SLC13A3: variants seen among roughly 807,000 people sequenced by gnomAD.
The protein encoded by SLC13A3 is Na(+)/dicarboxylate cotransporter 3.
A neutral mutation model predicts 59.0 loss-of-function variants in SLC13A3; 40 were observed. The observed-to-expected ratio is 0.68, with a 90% CI of 0.53 to 0.88. SLC13A3 has a LOEUF of 0.88. Ranked by LOEUF, SLC13A3 falls within the 40% of genes least tolerant of loss-of-function variation. SLC13A3 has a pLI of 0.00. For synonymous variants in SLC13A3, 317 were observed against 330.3 expected, an observed-to-expected ratio of 0.96 and a Z score of 0.44; for missense variants, 699 against 783.2, an observed-to-expected ratio of 0.89 and a Z score of 1.28.
intron 9 of SLC13A3, among the ~76,000 whole-genome samples, chr20:46,579,964 A>G (rs895400512): frequency 2.7e-5 from 4 of 150,380 alleles, no homozygotes; most frequent in Non-Finnish European, 5.9e-5. Context: ...TGAGGCACTC[A>G]TCACTACTTT....
intron 4 of SLC13A3, among the ~76,000 whole-genome samples, chr20:46,598,430 T>G (rs918418966): frequency 6.6e-6 from 1 of 152,290 alleles, no homozygotes; most frequent in African/African-American, 2.4e-5. Flanking sequence ...AACACTTTTT[T>G]GTTCAGGTGA....
intron 1 of SLC13A3, among the ~76,000 whole-genome samples, chr20:46,658,782 G>C (rs1469069378): frequency 1.3e-5 from 2 of 152,148 alleles, no homozygotes; most frequent in African/African-American, 4.8e-5. Flanking sequence ...TTATGGATTT[G>C]TCTATTTCTC....
intron 1 of SLC13A3, among the ~76,000 whole-genome samples, 165 bp downstream of exon 1, chr20:46,651,146 T>G (rs1460182562): frequency 6.6e-6 from 1 of 151,912 alleles, no homozygotes; most frequent in Non-Finnish European, 1.5e-5. Context: ...GAAGAGGCGT[T>G]AGGAGCGTTC....
intron 1 of SLC13A3, among the ~76,000 whole-genome samples, chr20:46,663,532 A>C (rs1373372385): frequency 6.6e-6 from 1 of 152,046 alleles, no homozygotes; most frequent in Non-Finnish European, 1.5e-5. Context: ...TTTGTGATCT[A>C]TGTCAAATGC....
intron 1 of SLC13A3, among the ~76,000 whole-genome samples, chr20:46,659,723 CAA>C (rs1555884129): frequency 5.0e-5 from 6 of 120,988 alleles, no homozygotes; most frequent in African/African-American, 9.3e-5. Context: ...CCCCCCCCCC[CAA>C]AAAAAAAAAG....
At chr20:46,655,731 A>AAT (rs1028291525), upstream of SLC13A3, among the ~76,000 whole-genome samples, 9 of 145,890 alleles carry the variant, frequency 6.2e-5, no homozygotes, top group South Asian at 2.1e-4. Flanking sequence ...AAAAGAAAAT[A>AAT]ATATATATAT....
At chr20:46,562,987 A>G (rs766482550) in intron 12 of SLC13A3, among the ~76,000 whole-genome samples, 13 of 152,208 alleles carry the variant, frequency 8.5e-5, no homozygotes, top group Non-Finnish European at 1.8e-4. Context: ...CGGGGGAGGG[A>G]ACATATTGCC....
chr20:46,622,829 C>A (rs967702030), intron 1 of SLC13A3, among the ~76,000 whole-genome samples: 3 of 152,136 alleles, frequency 2.0e-5, no homozygotes, highest in Admixed American at 1.3e-4. Context: ...ATAGTTTGAA[C>A]AACTTTTTAC....
upstream of SLC13A3, among the ~76,000 whole-genome samples, chr20:46,671,548 T>G (rs141380254): frequency 1.1e-4 from 17 of 152,058 alleles, no homozygotes; most frequent in African/African-American, 3.6e-4. Context: ...ACAGAGTTCA[T>G]ATGTAGAACC....
Position 46,610,585 on chromosome 20 carries a change from G to C in SLC13A3, c.402C>G (p.Thr134=). 1 of 1,613,732 alleles carries C rather than the reference G, an allele frequency of 6.2e-7. No individual in the cohort carries two copies. Among genetic ancestry groups the C allele is most frequent in the Non-Finnish European group, 8.5e-7 (1 of 1,179,860 alleles). Residue 134 remains threonine (T), a synonymous_variant, in exon 3 of 13, where the codon ACC becomes ACG. Coordinates refer to ENST00000279027, the MANE Select transcript of SLC13A3 (RefSeq NM_022829.6). ...PARLILGMMV[T]TSFLSMWLSN... Reference sequence around the variant, plus strand: ...TCAGCCACATGGACAAGAACGAGGTGGTCACCATCATCCCCAGGATGAGCC... The same window carrying C: ...TCAGCCACATGGACAAGAACGAGGTCGTCACCATCATCCCCAGGATGAGCC...
At chr20:46,635,295 C>T (rs1012385702) in intron 1 of SLC13A3, among the ~76,000 whole-genome samples, 3 of 152,112 alleles carry the variant, frequency 2.0e-5, no homozygotes, top group Admixed American at 6.6e-5. Flanking sequence ...GAAGCACACA[C>T]GGCAGGCCCA....
At chr20:46,642,734 G>A (rs6017950) in intron 1 of SLC13A3, among the ~76,000 whole-genome samples, 10,441 of 152,250 alleles carry the variant, frequency 0.069, 817 homozygotes, top group East Asian at 0.2. Flanking sequence ...TTTACGGTGA[G>A]TCACAGCCTG....
intron 1 of SLC13A3, among the ~76,000 whole-genome samples, chr20:46,627,287 T>A (rs2062683532): frequency 6.6e-6 from 1 of 152,204 alleles, no homozygotes; most frequent in South Asian, 2.1e-4. Flanking sequence ...TTTTCTCAAG[T>A]CTGATTTGCA....
intron 2 of SLC13A3, among the ~76,000 whole-genome samples, chr20:46,611,631 A>C (rs1030966114): frequency 1.3e-5 from 2 of 152,028 alleles, no homozygotes; most frequent in Non-Finnish European, 2.9e-5. Flanking sequence ...CACCCAAATT[A>C]CTCTCAAATC....
upstream of SLC13A3, among the ~76,000 whole-genome samples, chr20:46,655,463 G>A (rs2062978968): frequency 6.7e-6 from 1 of 148,436 alleles, no homozygotes; most frequent in Non-Finnish European, 1.5e-5. Flanking sequence ...GGAGGCCTCA[G>A]AGAGCCAACA....
At chr20:46,605,978 T>G (rs947782671) in intron 3 of SLC13A3, among the ~76,000 whole-genome samples, 7 of 152,204 alleles carry the variant, frequency 4.6e-5, no homozygotes. Flanking sequence ...GTTTTAGGTT[T>G]GAGGAAACTG....
chr20:46,585,560 G>A, intron 8 of SLC13A3: 4 of 1,075,800 alleles, frequency 3.7e-6, no homozygotes, highest in Non-Finnish European at 4.6e-6. Context: ...CATTTTAAGG[G>A]TATAGTTTAA....
At chr20:46,618,769 C>A (rs1486999997) in intron 1 of SLC13A3, among the ~76,000 whole-genome samples, 1 of 152,140 alleles carries the variant, frequency 6.6e-6, no homozygotes, top group Non-Finnish European at 1.5e-5. Flanking sequence ...GTTATAGTAG[C>A]CCAAATGGAC....
chr20:46,668,925 T>C (rs565348249), intron 1 of SLC13A3, among the ~76,000 whole-genome samples: 2 of 152,350 alleles, frequency 1.3e-5, no homozygotes, highest in South Asian at 4.1e-4. Context: ...GATATACTGT[T>C]CAGTAGACTG....
Sources: gnomAD v4.1 joint callset for allele counts (sites outside exome capture counted in the v4.1 genomes callset) on GRCh38, gnomAD v4.1.1 for gene constraint, MANE v1.5 for transcripts, NCBI Gene and HGNC (gene_info 2026-07-23, HGNC 2026-07-21) for gene names.